Variants in CCDC178 observed in about 807,000 individuals in gnomAD.
CCDC178 encodes coiled-coil domain-containing protein 178.
Under a neutral mutation model 117.4 loss-of-function variants are expected in CCDC178, and 126 were observed. That is an observed-to-expected ratio of 1.07 (90% CI 0.93 to 1.24). CCDC178 has a LOEUF of 1.24. Ranked by LOEUF, CCDC178 falls within the 50% of genes most tolerant of loss-of-function variation. CCDC178 has a pLI of 0.00. For missense variants in CCDC178, 1,030 were observed against 986.9 expected, an observed-to-expected ratio of 1.04 and a Z score of -0.59; for synonymous variants, 283 against 313.4, an observed-to-expected ratio of 0.90 and a Z score of 1.02.
chr18:33,248,639 G>A (rs1323464446), intron 14 of CCDC178, among the ~76,000 whole-genome samples: 1 of 151,916 alleles, frequency 6.6e-6, no homozygotes, highest in East Asian at 1.9e-4. Context: ...GTGTATATGT[G>A]TCACATTTTC....
At chr18:32,959,853 T>C (rs2054671106) in intron 22 of CCDC178, among the ~76,000 whole-genome samples, 1 of 152,078 alleles carries the variant, frequency 6.6e-6, no homozygotes, top group Non-Finnish European at 1.5e-5. Flanking sequence ...AATGTCCTGC[T>C]GGCATAGAGT....
At chr18:33,050,934 A>G (rs570430429) in intron 21 of CCDC178, among the ~76,000 whole-genome samples, 61 of 152,208 alleles carry the variant, frequency 4.0e-4, no homozygotes, top group Middle Eastern at 3.4e-3. Context: ...TTTGTTTGAG[A>G]TAGAGTCTCG....
chr18:33,085,956 T>A (rs1016602526), intron 21 of CCDC178, among the ~76,000 whole-genome samples: 12 of 152,096 alleles, frequency 7.9e-5, no homozygotes, highest in Non-Finnish European at 1.6e-4. Context: ...TTTCCAAATG[T>A]TTATGTCATT....
intron 22 of CCDC178, among the ~76,000 whole-genome samples, chr18:32,955,624 CACACACACAT>C (rs1373027396): frequency 1.3e-5 from 2 of 152,056 alleles, no homozygotes; most frequent in Non-Finnish European, 2.9e-5. Flanking sequence ...GTTTCTATTA[CACACACACAT>C]ACACACACAT....
At chr18:33,166,476 T>C (rs1284968458) in intron 20 of CCDC178, among the ~76,000 whole-genome samples, 2 of 152,074 alleles carry the variant, frequency 1.3e-5, no homozygotes, top group African/African-American at 2.4e-5. Flanking sequence ...CCCAATTGGA[T>C]GGCCTAGAGC....
At chr18:33,075,507 C>A (rs189948312) in intron 21 of CCDC178, among the ~76,000 whole-genome samples, 11 of 152,106 alleles carry the variant, frequency 7.2e-5, no homozygotes, top group Non-Finnish European at 1.6e-4. Flanking sequence ...ATTTCCATAT[C>A]AAAACATTTT....
chr18:33,147,776 T>C (rs558828017), intron 20 of CCDC178, among the ~76,000 whole-genome samples: 26 of 152,322 alleles, frequency 1.7e-4, no homozygotes, highest in African/African-American at 5.5e-4. Context: ...TCCCTCTACA[T>C]AGACACAGCA....
intron 20 of CCDC178, among the ~76,000 whole-genome samples, chr18:33,130,606 G>A (rs1204014830): frequency 2.0e-5 from 3 of 151,928 alleles, no homozygotes; most frequent in Non-Finnish European, 4.4e-5. Context: ...GTGCAGTGCT[G>A]CCCCAGGGGG....
intron 20 of CCDC178, among the ~76,000 whole-genome samples, chr18:33,126,997 A>AT (rs1555647859): frequency 0.016 from 2,222 of 141,104 alleles, 33 homozygotes; most frequent in African/African-American, 0.042. Context: ...AAAAAAAAAA[A>AT]ATATATATAT....
chr18:33,261,622 C>T (rs2059751989), intron 14 of CCDC178, among the ~76,000 whole-genome samples: 1 of 152,078 alleles, frequency 6.6e-6, no homozygotes, highest in Non-Finnish European at 1.5e-5. Flanking sequence ...CTATCTCAAC[C>T]TTGAACAATA....
intron 15 of CCDC178, among the ~76,000 whole-genome samples, chr18:33,239,359 AT>A (rs1359056196): frequency 1.3e-5 from 2 of 152,028 alleles, no homozygotes; most frequent in African/African-American, 4.8e-5. Flanking sequence ...TTTATCAATA[AT>A]AACCTTGAAA....
At chr18:33,434,820 T>A (rs1170623333) in intron 2 of CCDC178, among the ~76,000 whole-genome samples, 1 of 150,946 alleles carries the variant, frequency 6.6e-6, no homozygotes, top group Non-Finnish European at 1.5e-5. Context: ...AACTCTCATC[T>A]GCTACTTCAG....
Position 33,102,197 on chromosome 18 carries a change from A to G in CCDC178, c.2239-9287T>C, listed in dbSNP as rs138706354. Among the ~76,000 whole-genome samples, 791 of 151,958 alleles carry G rather than the reference A, an allele frequency of 5.2e-3. 6 individuals are homozygous for G. The highest frequency in any genetic ancestry group is 5.4e-3 in the Non-Finnish European group (364 of 67,904). The stretch of plus-strand genomic sequence containing the variant: ...ATAATGAGGAAATAGGGGCAACGGA[A>G]GTCAATTTCTTGCCCAAGGTCACAC... On this transcript the variant is annotated intron_variant, in intron 20 of 22. Coordinates refer to ENST00000383096, the MANE Select transcript of CCDC178 (RefSeq NM_001105528.4).
chr18:33,234,064 T>C (rs4416091), intron 15 of CCDC178, among the ~76,000 whole-genome samples: 15,009 of 152,128 alleles, frequency 0.099, 983 homozygotes, highest in African/African-American at 0.19. Flanking sequence ...TAAATAAAGT[T>C]TTATTATATT....
chr18:33,012,148 T>A (rs996131343), intron 21 of CCDC178, among the ~76,000 whole-genome samples: 3 of 152,238 alleles, frequency 2.0e-5, no homozygotes, highest in Non-Finnish European at 4.4e-5. Flanking sequence ...TAAAGTCACA[T>A]AGCTACAATT....
chr18:32,955,657 C>G (rs761840662), intron 22 of CCDC178, among the ~76,000 whole-genome samples: 16 of 151,908 alleles, frequency 1.1e-4, no homozygotes, highest in Non-Finnish European at 2.2e-4. Context: ...ACTCCCAGAT[C>G]TTTGTCATGT....
chr18:33,414,614 C>T (rs1166186964), intron 2 of CCDC178, among the ~76,000 whole-genome samples: 1 of 152,192 alleles, frequency 6.6e-6, no homozygotes, highest in Non-Finnish European at 1.5e-5. Context: ...AAAACTTAGG[C>T]ATTACCATTC....
chr18:33,247,662 T>C (rs905391814), intron 14 of CCDC178, among the ~76,000 whole-genome samples: 2 of 151,932 alleles, frequency 1.3e-5, no homozygotes, highest in African/African-American at 4.8e-5. Flanking sequence ...TGGGTACTTA[T>C]GTTTGTGTAC....
At chr18:32,975,226 G>A (rs945737261) in intron 21 of CCDC178, among the ~76,000 whole-genome samples, 1 of 152,136 alleles carries the variant, frequency 6.6e-6, no homozygotes, top group Non-Finnish European at 1.5e-5. Flanking sequence ...ACTGCTGAGG[G>A]AGAACAATAA....
Sources: allele counts gnomAD v4.1 joint callset (sites outside exome capture counted in the v4.1 genomes callset), GRCh38; gene constraint gnomAD v4.1.1; transcripts MANE v1.5; gene names NCBI Gene and HGNC (gene_info 2026-07-23, HGNC 2026-07-21).